The following KCNJ16 variants were observed in gnomAD, a reference collection of about 807,000 sequenced individuals.
KCNJ16 encodes inward rectifier potassium channel 16.
A neutral mutation model predicts 18.5 loss-of-function variants in KCNJ16; 15 were observed. The ratio of observed to expected loss-of-function variants is 0.81; its 90% CI spans 0.54 to 1.25. The LOEUF (loss-of-function observed/expected upper bound fraction) is 1.25, where lower values mean the gene tolerates loss of function less well. Ranked by LOEUF, KCNJ16 falls within the 50% of genes most tolerant of loss-of-function variation. The probability of loss-of-function intolerance (pLI) is 0.00; values close to 1 mark genes in which losing one functional copy is unlikely to be tolerated. For synonymous variants in KCNJ16, 174 were observed against 186.5 expected, an observed-to-expected ratio of 0.93 and a Z score of 0.55; for missense variants, 523 against 525.7, an observed-to-expected ratio of 0.99 and a Z score of 0.05.
At chr17:70,122,230 T>C (rs984616185) in intron 2 of KCNJ16, among the ~76,000 whole-genome samples, 1 of 151,912 alleles carries the variant, frequency 6.6e-6, no homozygotes, top group Non-Finnish European at 1.5e-5. Flanking sequence ...TGGAGTGCAG[T>C]AGCACTATCT....
Position 70,133,206 on chromosome 17 carries a change from A to AT in KCNJ16, c.1122dup (p.Ser375Ter), listed in dbSNP as rs2074127404. 1.9e-6 allele frequency: 3 copies of AT among 1,614,234 alleles called. No individual in the cohort carries two copies. Among genetic ancestry groups the AT allele is most frequent in the African/African-American group, 1.3e-5 (1 of 75,064 alleles). ...CGGACACCAAGGCGAGACGAAGGTC[A>AT]TTTAGTGCAGTTGCCATTGTCAGCA... On this transcript the variant is annotated frameshift_variant, in exon 4 of 4. Transcript: ENST00000392671. LOFTEE classifies it high-confidence loss of function.
chr17:70,134,389 T>C lies in KCNJ16; in HGVS notation c.*1045T>C, dbSNP rs1174851490. On this transcript the variant is annotated 3_prime_UTR_variant, in exon 4 of 4. Transcript: ENST00000392671. ...TCTTGGTTACTGTACAAGATACAAA[T>C]GACTCGAGTTGTGGATTGCAAGAAA... The C allele has an allele frequency of 1.8e-5, 3 of 167,078 alleles. No homozygotes were observed. Among genetic ancestry groups the C allele is most frequent in the Non-Finnish European group, 4.4e-5 (3 of 68,126 alleles). 10.3% of individuals were successfully genotyped at this position (167,078 alleles called of 1,614,324 possible). A position where few individuals can be genotyped will look rare whatever the true frequency, so the allele number is the denominator to read the frequency against.
At chr17:70,125,076 G>C (rs1458510244) in intron 2 of KCNJ16, among the ~76,000 whole-genome samples, 2 of 151,946 alleles carry the variant, frequency 1.3e-5, no homozygotes, top group African/African-American at 4.8e-5. Context: ...GACCAGCCTG[G>C]GCAACACAGC....
chr17:70,105,860 A>G (rs1022923643), intron 2 of KCNJ16, among the ~76,000 whole-genome samples: 11 of 152,328 alleles, frequency 7.2e-5, no homozygotes, highest in African/African-American at 2.6e-4. Context: ...CCATGTGAAA[A>G]TTCTAAGACA....
chr17:70,119,563 T>C (rs574911116), intron 2 of KCNJ16, among the ~76,000 whole-genome samples: 9 of 152,272 alleles, frequency 5.9e-5, no homozygotes, highest in South Asian at 2.1e-4. Context: ...TAACACCACA[T>C]AGAAGTCACC....
intron 2 of KCNJ16, among the ~76,000 whole-genome samples, chr17:70,115,839 A>G (rs1598156337): frequency 6.6e-6 from 1 of 152,158 alleles, no homozygotes; most frequent in East Asian, 1.9e-4. Flanking sequence ...TTGTTTTTGT[A>G]AATTGTTCCA....
chr17:70,094,201 A>G (rs1264361840), intron 1 of KCNJ16, among the ~76,000 whole-genome samples: 1 of 152,252 alleles, frequency 6.6e-6, no homozygotes, highest in Non-Finnish European at 1.5e-5. Flanking sequence ...AACAATTGTG[A>G]CATTTGCATT....
chr17:70,082,697 C>A (rs1291141921), intron 1 of KCNJ16, among the ~76,000 whole-genome samples: 2 of 152,144 alleles, frequency 1.3e-5, no homozygotes, highest in East Asian at 3.9e-4. Flanking sequence ...TAACTTGCTG[C>A]CACTATCTTT....
At chr17:70,082,480 G>A (rs901760895) in intron 1 of KCNJ16, among the ~76,000 whole-genome samples, 1 of 152,148 alleles carries the variant, frequency 6.6e-6, no homozygotes, top group Non-Finnish European at 1.5e-5. Context: ...CTAGAGAGAG[G>A]AGAATTTAAT....
chr17:70,079,890 A>T (rs1304859546), intron 1 of KCNJ16, among the ~76,000 whole-genome samples: 1 of 151,910 alleles, frequency 6.6e-6, no homozygotes, highest in Non-Finnish European at 1.5e-5. Flanking sequence ...TTTAGTAGAG[A>T]TGGGGTTTCA....
chr17:70,107,570 G>T (rs570797349), intron 2 of KCNJ16, among the ~76,000 whole-genome samples: 24 of 151,996 alleles, frequency 1.6e-4, no homozygotes, highest in Non-Finnish European at 2.8e-4. Context: ...GAATGAAAAT[G>T]AAAACAGGTC....
intron 1 of KCNJ16, among the ~76,000 whole-genome samples, chr17:70,095,298 A>G (rs2072304209): frequency 6.6e-6 from 1 of 152,054 alleles, no homozygotes; most frequent in African/African-American, 2.4e-5. Flanking sequence ...TCTCTGCAGG[A>G]ACCAGCCCAG....
At chr17:70,111,056 G>A (rs1054229648) in intron 2 of KCNJ16, among the ~76,000 whole-genome samples, 5 of 152,052 alleles carry the variant, frequency 3.3e-5, no homozygotes, top group African/African-American at 1.2e-4. Flanking sequence ...TACAACCCTG[G>A]TGTCTGGAGT....
intron 2 of KCNJ16, among the ~76,000 whole-genome samples, chr17:70,102,983 G>A (rs1416199636): frequency 6.6e-6 from 1 of 151,190 alleles, no homozygotes; most frequent in Non-Finnish European, 1.5e-5. Flanking sequence ...CGCTCTGGCT[G>A]GAGGGCAGTG....
chr17:70,081,745 G>A (rs1037000286), intron 1 of KCNJ16, among the ~76,000 whole-genome samples: 2 of 152,006 alleles, frequency 1.3e-5, no homozygotes, highest in Non-Finnish European at 2.9e-5. Context: ...GAGTTAAGAG[G>A]TGAGAAGGAG....
intron 2 of KCNJ16, among the ~76,000 whole-genome samples, chr17:70,119,999 T>G (rs2073567492): frequency 6.6e-6 from 1 of 152,190 alleles, no homozygotes; most frequent in Non-Finnish European, 1.5e-5. Context: ...TTTAGGTCAT[T>G]TCTTTGCTCT....
chr17:70,088,342 T>C (rs1471341486), intron 1 of KCNJ16, among the ~76,000 whole-genome samples: 1 of 152,182 alleles, frequency 6.6e-6, no homozygotes, highest in East Asian at 1.9e-4. Context: ...GATTCGTGCT[T>C]CTATGAGACT....
At chr17:70,077,068 AG>A (rs2071346070) in intron 1 of KCNJ16, among the ~76,000 whole-genome samples, 1 of 152,358 alleles carries the variant, frequency 6.6e-6, no homozygotes, top group African/African-American at 2.4e-5. Flanking sequence ...TCCTTGGAGA[AG>A]AGCAGTTCAG....
intron 1 of KCNJ16, among the ~76,000 whole-genome samples, chr17:70,076,368 C>T (rs891805529): frequency 2.0e-5 from 3 of 152,096 alleles, no homozygotes; most frequent in African/African-American, 7.2e-5. Flanking sequence ...CAAACCACAG[C>T]TGTTTTGCAG....
Sources: allele counts gnomAD v4.1 joint callset (sites outside exome capture counted in the v4.1 genomes callset), GRCh38; gene constraint gnomAD v4.1.1; transcripts MANE v1.5; gene names NCBI Gene and HGNC (gene_info 2026-07-23, HGNC 2026-07-21).